LIPA: variants seen among roughly 807,000 people sequenced by gnomAD.
LIPA encodes the protein lysosomal acid lipase/cholesteryl ester hydrolase.
Under a neutral mutation model 40.6 loss-of-function variants are expected in LIPA, and 26 were observed. The ratio of observed to expected loss-of-function variants is 0.64; its 90% CI spans 0.47 to 0.89. The LOEUF (loss-of-function observed/expected upper bound fraction) is 0.89, where lower values mean the gene tolerates loss of function less well. Ranked by LOEUF, LIPA falls within the 40% of genes least tolerant of loss-of-function variation. The pLI, the probability that LIPA is intolerant of heterozygous loss-of-function variation, is 0.00. For missense variants in LIPA, 455 were observed against 479.6 expected (o/e 0.95, Z 0.48); for synonymous variants, 188 against 168.4 (o/e 1.12, Z -0.90).
intron 3 of LIPA, among the ~76,000 whole-genome samples, chr10:89,231,556 C>T (rs1002411771): frequency 2.6e-5 from 4 of 152,198 alleles, no homozygotes; most frequent in Non-Finnish European, 5.9e-5. Flanking sequence ...TCACTGCAGC[C>T]TCAAACTCCT....
chr10:89,265,099 T>C (rs1356182429), intron 1 of LIPA, among the ~76,000 whole-genome samples: 1 of 152,026 alleles, frequency 6.6e-6, no homozygotes, highest in African/African-American at 2.4e-5. Context: ...CAGCAGCACC[T>C]AGGCTTGGCC....
intron 1 of LIPA, among the ~76,000 whole-genome samples, chr10:89,315,010 A>C (rs183969147): frequency 2.6e-5 from 4 of 152,290 alleles, no homozygotes; most frequent in Admixed American, 6.5e-5. Context: ...TATAATCTCC[A>C]TTCATTGTGA....
intron 3 of LIPA, among the ~76,000 whole-genome samples, chr10:89,232,018 GGAT>G (rs992012220): frequency 2.0e-5 from 3 of 152,166 alleles, no homozygotes; most frequent in African/African-American, 7.2e-5. Flanking sequence ...TCAATGAAGA[GGAT>G]GATAATCCAG....
intron 1 of LIPA, among the ~76,000 whole-genome samples, chr10:89,316,301 G>T (rs1478526217): frequency 6.6e-6 from 1 of 152,234 alleles, no homozygotes; most frequent in Non-Finnish European, 1.5e-5. Context: ...AGGAGTCAGG[G>T]AATTCCCTTT....
chr10:89,393,433 T>C lies in LIPA; in HGVS notation c.61+19358A>G. The stretch of plus-strand genomic sequence containing the variant: ...CCTAATGTGGGAATTTCTCAGCTGA[T>C]TTAAAAACCATTACTTAGGCCGGGC... On this transcript the variant is annotated intron_variant, in intron 2 of 8. Coordinates refer to the LIPA transcript ENST00000371837. 6.3e-6 allele frequency: 4 copies of C among 637,262 alleles called. No homozygotes were observed. The South Asian group carries it at 7.9e-5, about 13-fold the overall frequency. The allele number at this position is 637,262 out of a possible 1,614,324, so 39.5% of individuals were successfully genotyped here.
In LIPA at chr10:89,230,686, A is replaced by T. The variant is rs867217361; in HGVS notation, c.230-2288T>A. ...AGTTCTAACATGACACCTTGGGGAA[A>T]CATCTCCTAAAATTAATATAATTCC... On this transcript the variant is annotated intron_variant, in intron 3 of 9. Transcript: ENST00000336233. Among the ~76,000 whole-genome samples the T allele has an allele frequency of 3.3e-5, 5 of 152,234 alleles. 1 individual carries two copies. The highest frequency in any genetic ancestry group is 4.1e-4 in the South Asian group (2 of 4,824).
rs754169284 is a variant in LIPA at position 89,223,645 on chromosome 10, A to AT, written c.822+38dup. On this transcript the variant is annotated intron_variant, in intron 7 of 9. Coordinates refer to ENST00000336233, the MANE Select transcript of LIPA (RefSeq NM_000235.4). ...TCAACACAAATAAGCACATTCACAG[A>AT]TAAAAAAAAAAATCAAATCTTACTA... 7.9e-5 allele frequency: 118 copies of AT among 1,503,160 alleles called. No homozygotes were observed. In the East Asian group the frequency reaches 2.1e-3, roughly 26 times the overall value. 93.1% of individuals were successfully genotyped at this position (1,503,160 alleles called of 1,614,324 possible). A position where few individuals can be genotyped will look rare whatever the true frequency, so the allele number is the denominator to read the frequency against.
intron 1 of LIPA, chr10:89,293,459 A>G (rs1843388673): frequency 2.0e-5 from 3 of 151,900 alleles, no homozygotes; most frequent in Admixed American, 2.0e-4. Context: ...TTTTTTCCCC[A>G]TGGACTTGTC....
intron 2 of LIPA, among the ~76,000 whole-genome samples, chr10:89,365,462 C>T (rs557027008): frequency 2.0e-5 from 3 of 152,126 alleles, no homozygotes; most frequent in South Asian, 2.1e-4. Context: ...TAATTAGATC[C>T]CATTTGTCAA....
intron 2 of LIPA, 73 bp downstream of exon 2, chr10:89,247,465 G>T: frequency 1.2e-6 from 1 of 818,752 alleles, no homozygotes; most frequent in Non-Finnish European, 2.1e-6. Context: ...TATGGGTATG[G>T]CTTCATGTAG....
chr10:89,346,760 A>T (rs557068620), upstream of LIPA, among the ~76,000 whole-genome samples: 52 of 152,240 alleles, frequency 3.4e-4, no homozygotes, highest in Non-Finnish European at 6.2e-4. Flanking sequence ...CCACCAGGGG[A>T]TGGACAGGTG....
intron 1 of LIPA, chr10:89,306,762 T>C: frequency 6.2e-7 from 1 of 1,614,164 alleles, no homozygotes; most frequent in Non-Finnish European, 8.5e-7. Flanking sequence ...GCGATTGAAC[T>C]GCTTAAAAAG....
chr10:89,371,283 A>C lies in LIPA; in HGVS notation c.61+41508T>G, dbSNP rs116463093. On this transcript the variant is annotated intron_variant, in intron 2 of 8. Coordinates refer to the LIPA transcript ENST00000371837. ...GATCTTAATGCATATGGCTTAAGACATATGGGTTAACAAGGCTAAGCTTGT... is the reference window on the plus strand; with the variant it reads ...GATCTTAATGCATATGGCTTAAGACCTATGGGTTAACAAGGCTAAGCTTGT... Among the ~76,000 whole-genome samples the C allele has an allele frequency of 4.2e-3, 644 of 152,336 alleles. 4 individuals are homozygous for C. The highest frequency in any genetic ancestry group is 0.015 in the African/African-American group (615 of 41,578).
At chr10:89,315,870 C>G (rs189252149) in intron 1 of LIPA, among the ~76,000 whole-genome samples, 45 of 152,194 alleles carry the variant, frequency 3.0e-4, no homozygotes, top group Non-Finnish European at 5.1e-4. Context: ...ATCTAGGTCT[C>G]TAGGTCTAAA....
At chr10:89,297,366 C>A (rs978331488) in intron 1 of LIPA, among the ~76,000 whole-genome samples, 1 of 152,098 alleles carries the variant, frequency 6.6e-6, no homozygotes, top group African/African-American at 2.4e-5. Flanking sequence ...TCCCCCAAGA[C>A]CTAAGCGGCA....
intron 1 of LIPA, chr10:89,308,622 GT>G (rs1266222237): frequency 6.6e-6 from 1 of 152,206 alleles, no homozygotes; most frequent in Non-Finnish European, 1.5e-5. Flanking sequence ...CAAAGTTGGT[GT>G]GAACCAAAAT....
At chr10:89,255,577 T>C (rs998579557), upstream of LIPA, among the ~76,000 whole-genome samples, 17 of 152,266 alleles carry the variant, frequency 1.1e-4, no homozygotes, top group African/African-American at 4.1e-4. Flanking sequence ...AGGATGGTGA[T>C]AGCAGTGAAA....
intron 8 of LIPA, 49 bp from the exon 9 acceptor site, chr10:89,216,058 G>T: frequency 8.0e-7 from 1 of 1,242,268 alleles, no homozygotes; most frequent in Non-Finnish European, 1.2e-6. Context: ...CAAAGTTAGA[G>T]ATAACATCAT....
chr10:89,332,728 A>G, intron 1 of LIPA: 1 of 1,199,722 alleles, frequency 8.3e-7, no homozygotes, highest in Non-Finnish European at 1.2e-6. Flanking sequence ...ATATGCATTT[A>G]TCTAATTCAA....
Sources: gnomAD v4.1 joint callset for allele counts (sites outside exome capture counted in the v4.1 genomes callset) on GRCh38, gnomAD v4.1.1 for gene constraint, MANE v1.5 for transcripts, NCBI Gene and HGNC (gene_info 2026-07-23, HGNC 2026-07-21) for gene names.